LRBA: variants seen among roughly 807,000 people sequenced by gnomAD.
LRBA encodes the protein lipopolysaccharide-responsive and beige-like anchor protein.
In LRBA, 176 loss-of-function variants were observed where a neutral mutation model predicts 330.0. The observed-to-expected ratio is 0.53, with a 90% confidence interval of 0.47 to 0.60. LRBA has a LOEUF of 0.60. Among genes scored for constraint, LRBA ranks in the 20% least tolerant of loss-of-function variants. LRBA has a pLI of 0.00. For missense variants in LRBA, 3,259 were observed against 3,444.8 expected, an observed-to-expected ratio of 0.95 and a Z score of 1.35; for synonymous variants, 1,230 against 1,193.0, an observed-to-expected ratio of 1.03 and a Z score of -0.64.
At chr4:150,551,823 AT>A (rs1766636251) in intron 40 of LRBA, among the ~76,000 whole-genome samples, 1 of 152,214 alleles carries the variant, frequency 6.6e-6, no homozygotes, top group African/African-American at 2.4e-5. Context: ...ATGTGTATAT[AT>A]ATTTTTTACA....
At chr4:150,496,674 A>C (rs28639783) in intron 40 of LRBA, among the ~76,000 whole-genome samples, 9,957 of 152,192 alleles carry the variant, frequency 0.065, 527 homozygotes, top group East Asian at 0.18. Context: ...CTAGCATAGC[A>C]TATCCCTATG....
At chr4:150,930,883 G>C (rs1734414218) in intron 2 of LRBA, among the ~76,000 whole-genome samples, 1 of 152,226 alleles carries the variant, frequency 6.6e-6, no homozygotes, top group Non-Finnish European at 1.5e-5. Flanking sequence ...TTGTGATGGA[G>C]TCAATTCTCC....
intron 34 of LRBA, among the ~76,000 whole-genome samples, chr4:150,797,265 A>T (rs947452476): frequency 6.6e-6 from 1 of 151,946 alleles, no homozygotes; most frequent in East Asian, 1.9e-4. Flanking sequence ...TTAGGCAAGT[A>T]AACCATGAGA....
rs1771903978 is a variant in LRBA, at chr4:150,584,912, T to C, written c.6330+3136A>G. ...AATTTTACTCAACTATAATATATAT[T>C]TGTTCTGTAGATGTTAAGATTAAAA... On this transcript the variant is annotated intron_variant, in intron 40 of 56. Transcript: ENST00000651943. 2.0e-5 allele frequency among the ~76,000 whole-genome samples: 3 copies of C among 152,038 alleles called. No homozygotes were observed. In the South Asian group the frequency reaches 6.2e-4, roughly 31 times the overall value.
At chr4:150,404,558 CCTAA>C (rs1193849397) in intron 47 of LRBA, among the ~76,000 whole-genome samples, 1 of 152,078 alleles carries the variant, frequency 6.6e-6, no homozygotes, top group Non-Finnish European at 1.5e-5. Flanking sequence ...AAGCTAGAAG[CCTAA>C]CTATTACAGG....
intron 55 of LRBA, among the ~76,000 whole-genome samples, chr4:150,278,885 C>T (rs1290880014): frequency 1.3e-5 from 2 of 151,764 alleles, no homozygotes; most frequent in Non-Finnish European, 2.9e-5. Context: ...AGTGCAGTGG[C>T]GCAGTCTCAG....
chr4:150,413,489 G>A (rs955827534), intron 47 of LRBA, among the ~76,000 whole-genome samples: 1 of 152,098 alleles, frequency 6.6e-6, no homozygotes, highest in Admixed American at 6.6e-5. Flanking sequence ...CAACATGGAT[G>A]AATCTCAAAA....
At chr4:150,364,391 G>A (rs569112486) in intron 47 of LRBA, among the ~76,000 whole-genome samples, 2 of 152,306 alleles carry the variant, frequency 1.3e-5, no homozygotes, top group African/African-American at 4.8e-5. Context: ...TACAAATGAA[G>A]CTAAGAATGC....
intron 29 of LRBA, 138 bp from the exon 30 acceptor site, chr4:150,828,759 T>C (rs1012249079): frequency 2.9e-6 from 2 of 680,014 alleles, no homozygotes; most frequent in Admixed American, 5.5e-5. Flanking sequence ...AAAAACTAAT[T>C]ACGTATTCTA....
chr4:150,443,072 C>G (rs1173950747), intron 44 of LRBA, among the ~76,000 whole-genome samples: 2 of 152,088 alleles, frequency 1.3e-5, no homozygotes. Flanking sequence ...CAATTAGCAT[C>G]CCCAATTTGC....
intron 48 of LRBA, among the ~76,000 whole-genome samples, chr4:150,326,286 T>G (rs1454621020): frequency 6.6e-6 from 1 of 152,152 alleles, no homozygotes; most frequent in Non-Finnish European, 1.5e-5. Flanking sequence ...TCTTTGATTC[T>G]AGGTCCCATT....
Position 150,389,158 on chromosome 4 carries a change from T to C in LRBA, c.7194+26280A>G, listed in dbSNP as rs186507454. Among the ~76,000 whole-genome samples, 4 of 152,242 alleles carry C rather than the reference T, an allele frequency of 2.6e-5. No individual in the cohort carries two copies. The East Asian group carries it at 5.8e-4, about 22-fold the overall frequency. ...CACAAGATTATCTTATTAACTTTTATAAAGGCAGTAAATTTAGGGCTAGGA... is the reference window on the plus strand; with the variant it reads ...CACAAGATTATCTTATTAACTTTTACAAAGGCAGTAAATTTAGGGCTAGGA... On this transcript the variant is annotated intron_variant, in intron 47 of 56. Coordinates refer to ENST00000651943, the MANE Select transcript of LRBA (RefSeq NM_001364905.1).
chr4:150,298,696 C>T (rs549782635), intron 53 of LRBA, among the ~76,000 whole-genome samples: 2 of 151,954 alleles, frequency 1.3e-5, no homozygotes, highest in East Asian at 1.9e-4. Flanking sequence ...TCTCAGTAGA[C>T]GCCAATCCCA....
intron 37 of LRBA, among the ~76,000 whole-genome samples, chr4:150,668,314 T>C (rs761064863): frequency 2.2e-4 from 33 of 152,114 alleles, no homozygotes; most frequent in Non-Finnish European, 4.0e-4. Context: ...CTTAAGACAA[T>C]ACAAATTCAT....
intron 37 of LRBA, among the ~76,000 whole-genome samples, chr4:150,669,436 G>C (rs1781850422): frequency 6.6e-6 from 1 of 152,120 alleles, no homozygotes; most frequent in Non-Finnish European, 1.5e-5. Context: ...ACTGCAGTTA[G>C]TTATCATGTC....
At chr4:150,376,053 C>T (rs1741269027) in intron 47 of LRBA, among the ~76,000 whole-genome samples, 2 of 152,032 alleles carry the variant, frequency 1.3e-5, no homozygotes, top group South Asian at 4.1e-4. Context: ...ATTAGGCAAA[C>T]AATATAACAC....
chr4:150,830,358 A>T (rs1356035292), intron 29 of LRBA, among the ~76,000 whole-genome samples: 1 of 152,208 alleles, frequency 6.6e-6, no homozygotes, highest in Non-Finnish European at 1.5e-5. Context: ...AAGAACATGT[A>T]GAGAGACGAT....
chr4:150,439,243 CT>C (rs1751511350), intron 44 of LRBA, among the ~76,000 whole-genome samples: 1 of 152,118 alleles, frequency 6.6e-6, no homozygotes, highest in Admixed American at 6.6e-5. Flanking sequence ...ATTTTTATTA[CT>C]CTCCAAATGA....
intron 36 of LRBA, among the ~76,000 whole-genome samples, chr4:150,712,032 C>A (rs1263553483): frequency 6.6e-6 from 1 of 152,234 alleles, no homozygotes; most frequent in Admixed American, 6.5e-5. Flanking sequence ...GAAGAGAAAT[C>A]ATTTTTTACT....
Sources: gnomAD v4.1 joint callset for allele counts (sites outside exome capture counted in the v4.1 genomes callset) on GRCh38, gnomAD v4.1.1 for gene constraint, MANE v1.5 for transcripts, NCBI Gene and HGNC (gene_info 2026-07-23, HGNC 2026-07-21) for gene names.